The following CAMK1D variants were observed in gnomAD, a reference collection of about 807,000 sequenced individuals.
CAMK1D encodes calcium/calmodulin dependent protein kinase ID, also known as calcium/calmodulin-dependent protein kinase type 1D.
A neutral mutation model predicts 47.7 loss-of-function variants in CAMK1D; 9 were observed. The ratio of observed to expected loss-of-function variants is 0.19; its 90% CI spans 0.11 to 0.33. CAMK1D has a LOEUF of 0.33. Among genes scored for constraint, CAMK1D ranks in the 10% least tolerant of loss-of-function variants. The pLI is 1.00. For synonymous variants in CAMK1D, 184 were observed against 184.9 expected (o/e 0.99, Z 0.04); for missense variants, 291 against 488.7 (o/e 0.60, Z 3.81).
At chr10:12,602,394 A>G (rs1296499270) in intron 2 of CAMK1D, among the ~76,000 whole-genome samples, 1 of 152,142 alleles carries the variant, frequency 6.6e-6, no homozygotes, top group Non-Finnish European at 1.5e-5. Flanking sequence ...TTTCATGTTC[A>G]TAGGTGGTCT....
intron 1 of CAMK1D, among the ~76,000 whole-genome samples, chr10:12,496,861 G>A (rs1204106901): frequency 6.6e-6 from 1 of 152,136 alleles, no homozygotes; most frequent in East Asian, 1.9e-4. Flanking sequence ...GCATGCATTA[G>A]CTATTTTCCC....
rs559309520 is a variant in CAMK1D, at chr10:12,683,875, A to G, written c.299+17065A>G. On this transcript the variant is annotated intron_variant, in intron 3 of 10. Coordinates refer to ENST00000619168, the MANE Select transcript of CAMK1D (RefSeq NM_153498.4). ...CCAATAACCACTTATTCAGACCCCT[A>G]GTGACTAAGCAAATGAGACTGAAAA... is the stretch of plus-strand genomic sequence containing the variant. Among the ~76,000 whole-genome samples the G allele has an allele frequency of 4.6e-5, 7 of 152,114 alleles. No individual in the cohort carries two copies. In the East Asian group the frequency reaches 1.4e-3, roughly 29 times the overall value.
chr10:12,731,733 A>G (rs978568025), intron 3 of CAMK1D, among the ~76,000 whole-genome samples: 14 of 152,198 alleles, frequency 9.2e-5, no homozygotes, highest in Non-Finnish European at 1.3e-4. Flanking sequence ...AGATGGAAAG[A>G]TGGATTGGAG....
intron 6 of CAMK1D, among the ~76,000 whole-genome samples, chr10:12,807,898 A>G (rs997761228): frequency 1.3e-5 from 2 of 151,850 alleles, no homozygotes; most frequent in African/African-American, 4.8e-5. Flanking sequence ...AATTGTCCCT[A>G]TCGCCCCTCT....
chr10:12,764,845 C>G (rs565930200), intron 4 of CAMK1D, among the ~76,000 whole-genome samples: 2 of 152,172 alleles, frequency 1.3e-5, no homozygotes, highest in Non-Finnish European at 2.9e-5. Flanking sequence ...CCTGTAATCC[C>G]AGCACATTGG....
intron 1 of CAMK1D, among the ~76,000 whole-genome samples, chr10:12,457,470 A>G (rs893495083): frequency 3.3e-5 from 5 of 152,018 alleles, no homozygotes; most frequent in African/African-American, 1.2e-4. Context: ...AAAACAGTGC[A>G]TGGAGTATGC....
At chr10:12,811,824 T>C (rs1323043577) in intron 6 of CAMK1D, among the ~76,000 whole-genome samples, 2 of 152,224 alleles carry the variant, frequency 1.3e-5, no homozygotes, top group Non-Finnish European at 2.9e-5. Flanking sequence ...ATATGCACAT[T>C]TCATTTTGCC....
chr10:12,692,353 A>G (rs942866599), intron 3 of CAMK1D, among the ~76,000 whole-genome samples: 2 of 152,214 alleles, frequency 1.3e-5, no homozygotes, highest in African/African-American at 4.8e-5. Flanking sequence ...ACACTTTGGT[A>G]TATGTTAGGG....
At chr10:12,379,702 G>A (rs191509900) in intron 1 of CAMK1D, among the ~76,000 whole-genome samples, 92 of 152,040 alleles carry the variant, frequency 6.1e-4, no homozygotes, top group African/African-American at 1.9e-3. Flanking sequence ...GCAGTGAGCC[G>A]AGATCGTGCC....
chr10:12,810,434 C>T (rs932507587), intron 6 of CAMK1D, among the ~76,000 whole-genome samples: 1 of 152,068 alleles, frequency 6.6e-6, no homozygotes, highest in Non-Finnish European at 1.5e-5. Flanking sequence ...GCCACCACGC[C>T]CAGCTAATTT....
intron 5 of CAMK1D, among the ~76,000 whole-genome samples, chr10:12,789,507 C>T (rs1397444150): frequency 6.6e-6 from 1 of 152,230 alleles, no homozygotes; most frequent in Non-Finnish European, 1.5e-5. Flanking sequence ...CTATCAGGTG[C>T]ACTTCATGGT....
At chr10:12,576,462 T>TTA (rs1564422996) in intron 2 of CAMK1D, among the ~76,000 whole-genome samples, 4 of 151,664 alleles carry the variant, frequency 2.6e-5, no homozygotes, top group Non-Finnish European at 5.9e-5. Context: ...GTACTTTATT[T>TTA]TTATTATTAT....
chr10:12,678,254 GTTGT>G (rs1840878909), intron 3 of CAMK1D, among the ~76,000 whole-genome samples: 2 of 152,168 alleles, frequency 1.3e-5, no homozygotes, highest in Admixed American at 6.5e-5. Context: ...TGACCCAGTG[GTTGT>G]TTAATAGTAT....
chr10:12,614,666 C>T (rs1189326321), intron 2 of CAMK1D, among the ~76,000 whole-genome samples: 2 of 152,086 alleles, frequency 1.3e-5, no homozygotes, highest in East Asian at 1.9e-4. Flanking sequence ...TTGACTAAGT[C>T]CGGGTTGAGA....
At chr10:12,581,662 A>G (rs1319012574) in intron 2 of CAMK1D, among the ~76,000 whole-genome samples, 2 of 151,748 alleles carry the variant, frequency 1.3e-5, no homozygotes, top group African/African-American at 4.8e-5. Flanking sequence ...TTTTTTTCCT[A>G]TGTTTGTTGG....
At chr10:12,702,596 G>A (rs954727552) in intron 3 of CAMK1D, among the ~76,000 whole-genome samples, 3 of 152,230 alleles carry the variant, frequency 2.0e-5, no homozygotes, top group African/African-American at 7.2e-5. Flanking sequence ...CTTTACATGT[G>A]TATCTCATTT....
intron 4 of CAMK1D, among the ~76,000 whole-genome samples, chr10:12,763,352 A>G (rs1836592655): frequency 6.6e-6 from 1 of 152,250 alleles, no homozygotes; most frequent in South Asian, 2.1e-4. Flanking sequence ...TAGTGCAGCA[A>G]TCGGAATACT....
rs1336844878 is a variant in CAMK1D at position 12,703,863 on chromosome 10, C to T, written c.299+37053C>T. Among the ~76,000 whole-genome samples the T allele has an allele frequency of 4.1e-5, 6 of 146,794 alleles. No homozygotes were observed. In the East Asian group the frequency reaches 5.9e-4, roughly 14 times the overall value. ...CAGCCAGGACGACAGATCGAGACTC[C>T]GTCTCAAAAAAAAAAAAAAAAGACA... is the stretch of plus-strand genomic sequence containing the variant. On this transcript the variant is annotated intron_variant, in intron 3 of 10. Transcript: ENST00000619168.
chr10:12,721,530 AT>A (rs1834377257), intron 3 of CAMK1D, among the ~76,000 whole-genome samples: 5 of 151,946 alleles, frequency 3.3e-5, no homozygotes, highest in Non-Finnish European at 7.4e-5. Context: ...CCATCCATCC[AT>A]CCATCCATCC....
Sources: gnomAD v4.1 joint callset for allele counts (sites outside exome capture counted in the v4.1 genomes callset) on GRCh38, gnomAD v4.1.1 for gene constraint, MANE v1.5 for transcripts, NCBI Gene and HGNC (gene_info 2026-07-23, HGNC 2026-07-21) for gene names.